The following STK10 variants were observed in gnomAD, a reference collection of about 807,000 sequenced individuals.
STK10 encodes the protein serine/threonine-protein kinase 10.
Under a neutral mutation model 113.8 loss-of-function variants are expected in STK10, and 78 were observed. The ratio of observed to expected loss-of-function variants is 0.69; its 90% CI spans 0.57 to 0.83. The LOEUF is 0.83. Ranked by LOEUF, STK10 falls within the 40% of genes least tolerant of loss-of-function variation. The pLI is 0.00. For missense variants in STK10, 1,109 were observed against 1,280.1 expected (o/e 0.87, Z 2.04); for synonymous variants, 465 against 494.7 (o/e 0.94, Z 0.80).
At chr5:172,079,697 A>T (rs1768389731) in intron 12 of STK10, among the ~76,000 whole-genome samples, 1 of 151,932 alleles carries the variant, frequency 6.6e-6, no homozygotes, top group African/African-American at 2.4e-5. Context: ...AGTAGCTGGG[A>T]TTAAGGCACC....
intron 10 of STK10, among the ~76,000 whole-genome samples, chr5:172,088,456 A>G (rs1043555919): frequency 9.2e-5 from 14 of 152,166 alleles, no homozygotes; most frequent in Non-Finnish European, 1.9e-4. Context: ...CCCGGGAGGC[A>G]GAAGTTGCAC....
intron 3 of STK10, among the ~76,000 whole-genome samples, chr5:172,125,672 A>C (rs993174473): frequency 6.6e-6 from 1 of 152,184 alleles, no homozygotes; most frequent in Non-Finnish European, 1.5e-5. Flanking sequence ...GGCGTGAGCC[A>C]CCACACCCAG....
At chr5:172,174,347 T>A (rs1770716905) in intron 1 of STK10, among the ~76,000 whole-genome samples, 1 of 152,228 alleles carries the variant, frequency 6.6e-6, no homozygotes, top group East Asian at 1.9e-4. Flanking sequence ...AATTTTTGTA[T>A]TTTTAATAGA....
chr5:172,149,354 C>A (rs976367451), intron 2 of STK10, among the ~76,000 whole-genome samples: 1 of 152,212 alleles, frequency 6.6e-6, no homozygotes, highest in African/African-American at 2.4e-5. Context: ...CAAGGAGCTG[C>A]CAGCCTCCTC....
intron 7 of STK10, among the ~76,000 whole-genome samples, chr5:172,104,634 G>A (rs1420629911): frequency 6.6e-6 from 1 of 152,174 alleles, no homozygotes; most frequent in Non-Finnish European, 1.5e-5. Context: ...GCAAGGCCCT[G>A]CAGGACCCTG....
chr5:172,060,880 A>G (rs1767916495), intron 14 of STK10, among the ~76,000 whole-genome samples: 1 of 152,208 alleles, frequency 6.6e-6, no homozygotes, highest in African/African-American at 2.4e-5. Context: ...CAGCTCACTT[A>G]TTAACATACT....
chr5:172,061,136 C>T lies in STK10; in HGVS notation c.2212+3G>A, dbSNP rs773510705. The T allele has an allele frequency of 4.4e-6, 7 of 1,608,806 alleles. No individual in the cohort carries two copies. In the East Asian group the frequency reaches 1.6e-4, roughly 36 times the overall value. ...GACAGCGCTGCCACTTGCACACCCC[C>T]ACCTCGAAGGAGCTCCTGCTTCTTC... On this transcript the variant is annotated splice_donor_region_variant and intron_variant, in intron 14 of 18. Coordinates refer to ENST00000176763, the MANE Select transcript of STK10 (RefSeq NM_005990.4).
chr5:172,133,124 C>G lies in STK10; in HGVS notation c.322-5703G>C, dbSNP rs1225081100. Among the ~76,000 whole-genome samples, 4 of 152,108 alleles carry G rather than the reference C, an allele frequency of 2.6e-5. No individual in the cohort carries two copies. Among genetic ancestry groups the G allele is most frequent in the Non-Finnish European group, 5.9e-5 (4 of 68,032 alleles). On this transcript the variant is annotated intron_variant, in intron 2 of 18. Coordinates refer to ENST00000176763, the MANE Select transcript of STK10 (RefSeq NM_005990.4). This position sits in a 1 kb window ranked among gnomAD's most constrained non-coding sequence, Gnocchi z 4.9. Reference sequence around the variant, plus strand: ...CATGGGGTTCCAAAGGATGGGAATCCAGCAGGCTGGAGGTCAATTAGAACT... The same window carrying G: ...CATGGGGTTCCAAAGGATGGGAATCGAGCAGGCTGGAGGTCAATTAGAACT...
intron 2 of STK10, among the ~76,000 whole-genome samples, chr5:172,138,265 G>C (rs1200361809): frequency 6.6e-6 from 1 of 152,106 alleles, no homozygotes; most frequent in Non-Finnish European, 1.5e-5. Flanking sequence ...GGAATTACAG[G>C]CATGTGCCAC....
chr5:172,147,807 G>A (rs1770115981), intron 2 of STK10, among the ~76,000 whole-genome samples: 1 of 152,170 alleles, frequency 6.6e-6, no homozygotes, highest in Non-Finnish European at 1.5e-5. Context: ...CAGGAGGACA[G>A]GAGAAGGTCA....
intron 2 of STK10, among the ~76,000 whole-genome samples, chr5:172,131,270 G>A (rs1351735000): frequency 2.0e-5 from 3 of 152,040 alleles, no homozygotes; most frequent in Non-Finnish European, 2.9e-5. Flanking sequence ...TCCTGACCTC[G>A]CGATCTGCCT....
At chr5:172,091,151 G>A (rs1302935648) in intron 9 of STK10, among the ~76,000 whole-genome samples, 1 of 152,078 alleles carries the variant, frequency 6.6e-6, no homozygotes, top group Non-Finnish European at 1.5e-5. Context: ...GCCCACTCCC[G>A]GCCTGTGTTC....
Position 172,069,670 on chromosome 5 carries a change from G to T in STK10, c.1990-4858C>A, listed in dbSNP as rs1163369274. On this transcript the variant is annotated intron_variant, in intron 12 of 18. Coordinates refer to ENST00000176763, the MANE Select transcript of STK10 (RefSeq NM_005990.4). ...ATAATTTCAAAAATGTGAAACAAAA[G>T]CTGACAGAACTGAATGAGAAATAGA... Among the ~76,000 whole-genome samples, 3 of 152,140 alleles carry T rather than the reference G, an allele frequency of 2.0e-5. No homozygotes were observed. In the East Asian group the frequency reaches 5.8e-4, roughly 29 times the overall value.
chr5:172,173,539 T>G (rs573303348), intron 1 of STK10, among the ~76,000 whole-genome samples: 4 of 152,202 alleles, frequency 2.6e-5, no homozygotes, highest in Non-Finnish European at 5.9e-5. Flanking sequence ...CAACTCACCC[T>G]GGGGCAGGCA....
rs763338862 is a variant in STK10, at chr5:172,054,707, G to C, written c.2527-13C>G. ...CCTGCTGGGAGAACTGCACCAGAGAGAGGGTGGGTGCCTCAGGGGACCAGG... is the reference window on the plus strand; with the variant it reads ...CCTGCTGGGAGAACTGCACCAGAGACAGGGTGGGTGCCTCAGGGGACCAGG... On this transcript the variant is annotated splice_polypyrimidine_tract_variant and intron_variant, in intron 16 of 18. Transcript: ENST00000176763. 1.2e-5 allele frequency: 19 copies of C among 1,607,496 alleles called. No homozygotes were observed. Among genetic ancestry groups the C allele is most frequent in the Non-Finnish European group, 1.5e-5 (18 of 1,179,958 alleles).
At chr5:172,055,834 T>C in intron 15 of STK10, 58 bp from the exon 16 acceptor site, 1 of 1,367,572 alleles carries the variant, frequency 7.3e-7, no homozygotes, top group Non-Finnish European at 9.5e-7. Flanking sequence ...CAGAGCGTGG[T>C]CACAGGCTAA....
Position 172,049,529 on chromosome 5 carries a change from G to A in STK10, c.2766+3400C>T, listed in dbSNP as rs556332217. Among the ~76,000 whole-genome samples the A allele has an allele frequency of 2.6e-5, 4 of 152,196 alleles. No individual in the cohort carries two copies. In the East Asian group the frequency reaches 7.7e-4, roughly 29 times the overall value. ...GAAATCTGCTCAGAGCACAAGTCGG[G>A]GATGAGACTCACGGGAGATAAGGCA... is the stretch of plus-strand genomic sequence containing the variant. On this transcript the variant is annotated intron_variant, in intron 18 of 18. Transcript: ENST00000176763.
chr5:172,081,387 A>C (rs1581145376), intron 12 of STK10, among the ~76,000 whole-genome samples: 1 of 148,360 alleles, frequency 6.7e-6, no homozygotes, highest in African/African-American at 2.5e-5. Flanking sequence ...GGCTAAATCT[A>C]CTCTGCTTGT....
chr5:172,057,744 T>C (rs936942660), intron 14 of STK10, among the ~76,000 whole-genome samples: 6 of 152,144 alleles, frequency 3.9e-5, no homozygotes, highest in African/African-American at 1.4e-4. Flanking sequence ...ACTGCAGCTA[T>C]AGGCTGGAAC....
Sources: gnomAD v4.1 joint callset for allele counts (sites outside exome capture counted in the v4.1 genomes callset) on GRCh38, gnomAD v4.1.1 for gene constraint, Gnocchi (gnomAD v3.1) non-coding constraint, MANE v1.5 for transcripts, NCBI Gene and HGNC (gene_info 2026-07-23, HGNC 2026-07-21) for gene names.